The following DYNC1I2 variants were observed in gnomAD, a reference collection of about 807,000 sequenced individuals.
DYNC1I2 encodes cytoplasmic dynein 1 intermediate chain 2.
DYNC1I2 carries 53 observed loss-of-function variants against 88.6 expected under a neutral mutation model. The ratio of observed to expected loss-of-function variants is 0.60; its 90% CI spans 0.48 to 0.75. The LOEUF is 0.75. Ranked by LOEUF, DYNC1I2 falls within the 30% of genes least tolerant of loss-of-function variation. The pLI is 0.00. For missense variants in DYNC1I2, 458 were observed against 766.6 expected, an observed-to-expected ratio of 0.60 and a Z score of 4.75; for synonymous variants, 198 against 254.6, an observed-to-expected ratio of 0.78 and a Z score of 2.12.
At chr2:171,738,279 C>T (rs1689154008) in intron 15 of DYNC1I2, among the ~76,000 whole-genome samples, 1 of 151,838 alleles carries the variant, frequency 6.6e-6, no homozygotes, top group African/African-American at 2.4e-5. Flanking sequence ...TTGCAGTGAG[C>T]TGAGATCGCA....
chr2:171,695,594 T>C (rs1017535560), intron 3 of DYNC1I2, among the ~76,000 whole-genome samples: 3 of 152,238 alleles, frequency 2.0e-5, no homozygotes, highest in Admixed American at 2.0e-4. Flanking sequence ...ATTTTACTTA[T>C]CCATTCCCCC....
Position 171,692,751 on chromosome 2 carries a change from A to C in DYNC1I2, c.109-26A>C, listed in dbSNP as rs766296958. The C allele has an allele frequency of 2.0e-6, 3 of 1,528,630 alleles. No individual in the cohort carries two copies. The Admixed American group carries it at 6.3e-5, about 32-fold the overall frequency. 94.7% of individuals were successfully genotyped at this position (1,528,630 alleles called of 1,614,324 possible). A position where few individuals can be genotyped will look rare whatever the true frequency, so the allele number is the denominator to read the frequency against. ...CAAATTTTTCATACTATATGTAAACATAAGTTTTTAACCTAAACATTTTAG... is the reference window on the plus strand; with the variant it reads ...CAAATTTTTCATACTATATGTAAACCTAAGTTTTTAACCTAAACATTTTAG... On this transcript the variant is annotated intron_variant, in intron 2 of 17. Coordinates refer to ENST00000397119, the MANE Select transcript of DYNC1I2 (RefSeq NM_001378.3).
At chr2:171,689,690 A>G (rs1209111515) in intron 1 of DYNC1I2, among the ~76,000 whole-genome samples, 1 of 151,758 alleles carries the variant, frequency 6.6e-6, no homozygotes, top group Non-Finnish European at 1.5e-5. Context: ...AGTCTTAGTA[A>G]TAATATATAT....
In DYNC1I2 at chr2:171,706,441, G is replaced by A. The variant is rs1414466382; in HGVS notation, c.227-106G>A. 7.8e-6 allele frequency: 7 copies of A among 894,574 alleles called. No individual in the cohort carries two copies. The African/African-American group carries it at 1.0e-4, about 13-fold the overall frequency. 55.4% of individuals were successfully genotyped at this position (894,574 alleles called of 1,614,324 possible). A position where few individuals can be genotyped will look rare whatever the true frequency, so the allele number is the denominator to read the frequency against. ...TAATGTTAAAAGTTGAGGATCTAGG[G>A]GAAAGCACTTGCTGTTTATTTTATA... On this transcript the variant is annotated intron_variant, in intron 3 of 17. Transcript: ENST00000397119.
intron 4 of DYNC1I2, 100 bp from the exon 5 acceptor site, chr2:171,707,184 TTTC>T (rs763483330): frequency 6.4e-7 from 1 of 1,551,162 alleles, no homozygotes; most frequent in South Asian, 1.2e-5. Flanking sequence ...CCATTGTTTT[TTTC>T]TTTTTTGTTA....
chr2:171,711,356 C>CTCTA (rs1463478430), intron 5 of DYNC1I2, among the ~76,000 whole-genome samples: 1 of 152,136 alleles, frequency 6.6e-6, no homozygotes, highest in East Asian at 1.9e-4. Flanking sequence ...TGGAATTGTA[C>CTCTA]TCTATGTGCC....
chr2:171,707,694 C>T (rs576725782), intron 5 of DYNC1I2, among the ~76,000 whole-genome samples: 3 of 151,970 alleles, frequency 2.0e-5, no homozygotes, highest in South Asian at 2.1e-4. Context: ...TTGGTTATTA[C>T]GTGAATGTTT....
intron 15 of DYNC1I2, among the ~76,000 whole-genome samples, chr2:171,743,214 A>G (rs1393871137): frequency 6.6e-6 from 1 of 152,200 alleles, no homozygotes; most frequent in African/African-American, 2.4e-5. Flanking sequence ...AAGAGAAAAT[A>G]TATTTACTAT....
chr2:171,705,717 A>G (rs1009065324), intron 3 of DYNC1I2, among the ~76,000 whole-genome samples: 1 of 152,034 alleles, frequency 6.6e-6, no homozygotes, highest in Non-Finnish European at 1.5e-5. Context: ...CTTTAGATGA[A>G]AATCATTTTT....
Position 171,690,798 on chromosome 2 carries a change from G to T in DYNC1I2, c.108+535G>T. 2.6e-5 allele frequency among the ~76,000 whole-genome samples: 4 copies of T among 151,938 alleles called. No individual in the cohort carries two copies. The Middle Eastern group carries it at 0.014, about 517-fold the overall frequency. On this transcript the variant is annotated intron_variant, in intron 2 of 17. Coordinates refer to ENST00000397119, the MANE Select transcript of DYNC1I2 (RefSeq NM_001378.3). ...GCCTCTGGAGTAGCTGGGCCTACAG[G>T]CACATGTCACTATGCTAGGCTAATT...
intron 4 of DYNC1I2, chr2:171,706,961 A>C: frequency 2.2e-6 from 1 of 464,814 alleles, no homozygotes; most frequent in Non-Finnish European, 3.8e-6. Flanking sequence ...GGGAGAAGGA[A>C]TGCTCTCCTT....
At chr2:171,717,232 G>C (rs1335961742) in intron 7 of DYNC1I2, among the ~76,000 whole-genome samples, 3 of 146,806 alleles carry the variant, frequency 2.0e-5, no homozygotes, top group African/African-American at 7.6e-5. Flanking sequence ...TCCCACCTCA[G>C]CTTCCTGAGT....
chr2:171,738,969 T>C (rs1320778772), intron 15 of DYNC1I2, among the ~76,000 whole-genome samples: 1 of 152,014 alleles, frequency 6.6e-6, no homozygotes, highest in East Asian at 1.9e-4. Flanking sequence ...GCCAACATGG[T>C]GAAACCCCAT....
At chr2:171,710,118 T>TACACAC (rs1225824350) in intron 5 of DYNC1I2, among the ~76,000 whole-genome samples, 2 of 72,682 alleles carry the variant, frequency 2.8e-5, no homozygotes, top group South Asian at 9.6e-4. Context: ...TTTTTATGTA[T>TACACAC]ATATACACAC....
intron 7 of DYNC1I2, among the ~76,000 whole-genome samples, chr2:171,724,834 A>G (rs1688130907): frequency 6.6e-6 from 1 of 152,210 alleles, no homozygotes; most frequent in South Asian, 2.1e-4. Context: ...GTGTTCTATA[A>G]CATTTTAAAA....
At chr2:171,712,932 A>G in intron 6 of DYNC1I2, 106 bp downstream of exon 6, 1 of 948,476 alleles carries the variant, frequency 1.1e-6, no homozygotes, top group South Asian at 1.5e-5. Flanking sequence ...ATCACGTAGT[A>G]AGGACAAGAG....
rs1358179557 is a variant in DYNC1I2 at position 171,749,728 on chromosome 2, A to C, written c.*1839A>C. 6.6e-6 allele frequency among the ~76,000 whole-genome samples: 1 copy of C among 152,016 alleles called. No homozygotes were observed. Among genetic ancestry groups the C allele is most frequent in the African/African-American group, 2.4e-5 (1 of 41,400 alleles). On this transcript the variant is annotated 3_prime_UTR_variant, in exon 18 of 18. Transcript: ENST00000397119. ...ACTTTTTGGGAATGACTTCTCCCCT[A>C]CTCCCCCAGAAAATGCGATGTATAC... is the stretch of plus-strand genomic sequence containing the variant.
At chr2:171,736,437 C>A (rs1439665955) in intron 15 of DYNC1I2, among the ~76,000 whole-genome samples, 4 of 152,204 alleles carry the variant, frequency 2.6e-5, no homozygotes, top group African/African-American at 9.6e-5. Context: ...TCCTGTGAGC[C>A]TGACCAGCTC....
intron 3 of DYNC1I2, among the ~76,000 whole-genome samples, chr2:171,703,501 T>A (rs1208975297): frequency 6.6e-6 from 1 of 152,178 alleles, no homozygotes; most frequent in Non-Finnish European, 1.5e-5. Context: ...GTGCTGAGAT[T>A]ATAGGCATGA....
Sources: allele counts gnomAD v4.1 joint callset (sites outside exome capture counted in the v4.1 genomes callset), GRCh38; gene constraint gnomAD v4.1.1; transcripts MANE v1.5; gene names NCBI Gene and HGNC (gene_info 2026-07-23, HGNC 2026-07-21).